LLGL2: variants seen among roughly 807,000 people sequenced by gnomAD.
The protein encoded by LLGL2 is LLGL scribble cell polarity complex component 2, also known as LLGL2, scribble cell polarity complex component.
In LLGL2, 81 loss-of-function variants were observed where a neutral mutation model predicts 123.2. The ratio of observed to expected loss-of-function variants is 0.66; its 90% CI spans 0.55 to 0.79. LLGL2 has a LOEUF of 0.79. LLGL2 is among the 30% of genes least tolerant of loss of function. The probability of loss-of-function intolerance (pLI) is 0.00; values close to 1 mark genes in which losing one functional copy is unlikely to be tolerated. For synonymous variants in LLGL2, 577 were observed against 594.1 expected (o/e 0.97, Z 0.42); for missense variants, 1,273 against 1,414.6 (o/e 0.90, Z 1.61).
intron 2 of LLGL2, chr17:75,546,177 T>C (rs1402229771): frequency 6.6e-6 from 1 of 151,838 alleles, no homozygotes; most frequent in East Asian, 1.9e-4. Context: ...CCTGGGTAGG[T>C]GGTGGTGCCA....
At chr17:75,570,824 G>T in intron 16 of LLGL2, 126 bp from the exon 17 acceptor site, 1 of 1,270,340 alleles carries the variant, frequency 7.9e-7, no homozygotes, top group Non-Finnish European at 1.1e-6. Context: ...CCCTCTAGAC[G>T]CAGGCCTGGC....
At position 75,575,004 on chromosome 17, in the gene LLGL2, A is replaced by C. The variant is rs1403517407; in HGVS notation, c.*126A>C. 5.9e-6 allele frequency: 8 copies of C among 1,347,144 alleles called. No individual in the cohort carries two copies. 83.4% of individuals were successfully genotyped at this position (1,347,144 alleles called of 1,614,324 possible). ...AGGGGCTGGGGGCATCCCGGCTTCC[A>C]CAATGCAGCTGCTCTGGGCCTCGGG... On this transcript the variant is annotated 3_prime_UTR_variant, in exon 26 of 26. Coordinates refer to ENST00000392550, the MANE Select transcript of LLGL2 (RefSeq NM_001031803.2).
At chr17:75,550,179 A>C (rs1327011136) in intron 2 of LLGL2, among the ~76,000 whole-genome samples, 2 of 152,140 alleles carry the variant, frequency 1.3e-5, no homozygotes, top group Non-Finnish European at 2.9e-5. Context: ...GAATTCCTTG[A>C]CCACCCAGGG....
rs113514116 is a variant in LLGL2 at position 75,558,998 on chromosome 17, T to C, written c.372-254T>C. 4,159 of 331,524 alleles carry C rather than the reference T, an allele frequency of 0.013. 462 individuals are homozygous for C. The African/African-American group carries it at 0.16, about 12-fold the overall frequency. The allele number at this position is 331,524 out of a possible 1,614,324, so 20.5% of individuals were successfully genotyped here. ...CCATCCGCACCCCGCCTCCTCCATC[T>C]GCACCCCGCCTCCTCCATCCGCACC... On this transcript the variant is annotated intron_variant, in intron 5 of 25. Coordinates refer to ENST00000392550, the MANE Select transcript of LLGL2 (RefSeq NM_001031803.2). This position sits in a 1 kb window ranked among gnomAD's most constrained non-coding sequence, Gnocchi z 4.0.
chr17:75,572,959 C>T, intron 19 of LLGL2, 55 bp from the exon 20 acceptor site: 1 of 1,547,116 alleles, frequency 6.5e-7, no homozygotes. Context: ...AGCAGCAGCA[C>T]AGGGCAGGAG....
At position 75,558,530 on chromosome 17, in the gene LLGL2, C is replaced by G. The variant is rs766986353; in HGVS notation, c.274C>G (p.Leu92Val). 16 of 1,603,870 alleles carry G rather than the reference C, an allele frequency of 1.0e-5. No individual in the cohort carries two copies. The Admixed American group carries it at 1.5e-4, about 15-fold the overall frequency. The change falls in exon 5 of 26, where the codon CTG (leucine) becomes GTG (valine). Residue 92 changes from leucine to valine, a missense_variant. By Grantham distance (32) the Leu-to-Val change is conservative. Coordinates refer to ENST00000392550, the MANE Select transcript of LLGL2 (RefSeq NM_001031803.2). The surrounding 1 kb of genome is among the most constrained non-coding windows in gnomAD (Gnocchi z 4.0). ...TCGCCAGTGCCAGCTGGTCACCCTG[C>G]TGGATGACAACAGCCTGCACCTTTG... ...LPGQCQLVTL[L>V]DDNSLHLWSL...
In LLGL2 at chr17:75,559,426, A is replaced by G. The variant is rs377617948; in HGVS notation, c.530+16A>G. 6.3e-7 allele frequency: 1 copy of G among 1,587,742 alleles called. No homozygotes were observed. Among genetic ancestry groups the G allele is most frequent in the Middle Eastern group, 1.7e-4 (1 of 5,936 alleles). On this transcript the variant is annotated intron_variant, in intron 6 of 25. Transcript: ENST00000392550. The surrounding 1 kb of genome is among the most constrained non-coding windows in gnomAD (Gnocchi z 4.6). Reference sequence around the variant, plus strand: ...TGCTGCAGCGGTGAGCCCAGAGCCCAGCTGCTGTTAACTCCATCCCCTCAA... The same window carrying G: ...TGCTGCAGCGGTGAGCCCAGAGCCCGGCTGCTGTTAACTCCATCCCCTCAA...
At chr17:75,573,693 A>G (rs1425419868) in intron 21 of LLGL2, 62 bp downstream of exon 21, 1 of 1,331,074 alleles carries the variant, frequency 7.5e-7, no homozygotes, top group African/African-American at 2.3e-5. Context: ...TCTCTGAGAT[A>G]CCGAGGCTCC....
At position 75,573,131 on chromosome 17, in the gene LLGL2, G is replaced by C. The variant is rs142947637; in HGVS notation, c.2578G>C (p.Gly860Arg). The C allele has an allele frequency of 3.1e-5, 50 of 1,613,004 alleles. No individual in the cohort carries two copies. The African/African-American group carries it at 6.0e-4, about 19-fold the overall frequency. Residue 860 changes from glycine to arginine, a missense_variant, in exon 20 of 26, where the codon GGG (glycine) becomes CGG (arginine). Gly to Arg is a moderately radical substitution (Grantham distance 125). Coordinates refer to ENST00000392550, the MANE Select transcript of LLGL2 (RefSeq NM_001031803.2). The part of the protein sequence containing the change: ...HFGSRRAEDY[G>R]EHHLAVLTNL... ...CGGCAGTCGTCGAGCCGAGGACTAC[G>C]GGGAGCACCACCTGGCAGTCCTTAC...
At chr17:75,541,715 CTTTTTTTTTTTTTTTTTTT>C (rs56656168) in intron 1 of LLGL2, among the ~76,000 whole-genome samples, 1 of 31,510 alleles carries the variant, frequency 3.2e-5, no homozygotes, top group Middle Eastern at 0.023. Flanking sequence ...TGTGGCTCTG[CTTTTTTTTTTTTTTTTTTT>C]TTTTTTTTTT....
intron 2 of LLGL2, among the ~76,000 whole-genome samples, chr17:75,548,193 A>G (rs1318887559): frequency 1.3e-5 from 2 of 152,062 alleles, no homozygotes; most frequent in African/African-American, 4.8e-5. Context: ...ATCATTTTAG[A>G]TGAGGGATAT....
At chr17:75,565,037 C>T (rs2055387114) in intron 10 of LLGL2, among the ~76,000 whole-genome samples, 1 of 152,206 alleles carries the variant, frequency 6.6e-6, no homozygotes, top group Non-Finnish European at 1.5e-5. Context: ...TCCTGTCTGC[C>T]CCGGGCTCTC....
At chr17:75,531,567 C>G (rs2053787287) in intron 1 of LLGL2, among the ~76,000 whole-genome samples, 1 of 152,262 alleles carries the variant, frequency 6.6e-6, no homozygotes, top group Non-Finnish European at 1.5e-5. Context: ...AGGGTTCCTC[C>G]TGGGGCGAGG....
chr17:75,569,069 G>A lies in LLGL2; in HGVS notation c.1414G>A (p.Asp472Asn), dbSNP rs750043640. The change falls in exon 13 of 26, where the codon GAC becomes AAC. Residue 472 changes from aspartate (D) to asparagine (N), a missense_variant. Coordinates refer to ENST00000392550, the MANE Select transcript of LLGL2 (RefSeq NM_001031803.2). ...KLSTVRVFLT[D>N]TDPNENFSAQ... ...CAGCACTGTGCGCGTGTTCCTCACC[G>A]ACACGGACCCCAACGAGAACTTCAG... 11 of 1,612,750 alleles carry A rather than the reference G, an allele frequency of 6.8e-6. No individual in the cohort carries two copies. In the African/African-American group the frequency reaches 8.0e-5, roughly 12 times the overall value.
At chr17:75,552,538 GTGATTAACTACTA>G (rs1330710046) in intron 2 of LLGL2, among the ~76,000 whole-genome samples, 2 of 152,196 alleles carry the variant, frequency 1.3e-5, no homozygotes, top group African/African-American at 4.8e-5. Flanking sequence ...ATTTTGACGT[GTGATTAACTACTA>G]ATGAGATTTT....
Position 75,570,964 on chromosome 17 carries a change from T to C in LLGL2, c.2040T>C (p.Ser680=). Residue 680 remains serine, a synonymous_variant, in exon 17 of 26, where the codon AGT becomes AGC. Coordinates refer to ENST00000392550, the MANE Select transcript of LLGL2 (RefSeq NM_001031803.2). The part of the protein sequence containing the change: ...AGPPGEAQEG[S]AKAERPGLQN... ...ACCCCTTGCAGGCACAGGAGGGGAGTGCCAAGGCTGAGCGGCCAGGCCTCC... is the reference window on the plus strand; with the variant it reads ...ACCCCTTGCAGGCACAGGAGGGGAGCGCCAAGGCTGAGCGGCCAGGCCTCC... The C allele has an allele frequency of 1.2e-6, 2 of 1,610,158 alleles. No homozygotes were observed. The highest frequency in any genetic ancestry group is 1.7e-6 in the Non-Finnish European group (2 of 1,178,480).
At chr17:75,543,714 G>C (rs6501823) in intron 2 of LLGL2, among the ~76,000 whole-genome samples, 137,859 of 152,160 alleles carry the variant, frequency 0.91, 62,954 homozygotes, top group African/African-American at 0.98. Context: ...CTTCTCATCT[G>C]AAGGCTTTCA....
chr17:75,558,237 G>A lies in LLGL2; in HGVS notation c.255+1G>A. 1 of 1,611,476 alleles carries A rather than the reference G, an allele frequency of 6.2e-7. No individual in the cohort carries two copies. The highest frequency in any genetic ancestry group is 8.5e-7 in the Non-Finnish European group (1 of 1,178,974). On this transcript the variant is annotated splice_donor_variant, in intron 4 of 25. Coordinates refer to ENST00000392550, the MANE Select transcript of LLGL2 (RefSeq NM_001031803.2). LOFTEE classifies it high-confidence loss of function. This position sits in a 1 kb window ranked among gnomAD's most constrained non-coding sequence, Gnocchi z 4.0. ...GCAGATCCACCTCCTGCCCGGCCAG[G>A]TGAGGGACCTGGGGTGGGACAGGAA...
rs1598573308 is a variant in LLGL2, at chr17:75,552,641, A to AGT, written c.76-3405_76-3404insGT. Among the ~76,000 whole-genome samples the AGT allele has an allele frequency of 2.0e-5, 3 of 152,342 alleles. No homozygotes were observed. The East Asian group carries it at 5.8e-4, about 29-fold the overall frequency. ...TACGGCACATCTCAGTTCAGACATT[A>AGT]AATCTTTTTTGGAAGTACTAGATCT... is the stretch of plus-strand genomic sequence containing the variant. On this transcript the variant is annotated intron_variant, in intron 2 of 25. Transcript: ENST00000392550.
Sources: gnomAD v4.1 joint callset for allele counts (sites outside exome capture counted in the v4.1 genomes callset) on GRCh38, gnomAD v4.1.1 for gene constraint, Gnocchi (gnomAD v3.1) non-coding constraint, MANE v1.5 for transcripts, NCBI Gene and HGNC (gene_info 2026-07-23, HGNC 2026-07-21) for gene names.